Variants in ANKFN1 observed in about 807,000 individuals in gnomAD.
ANKFN1 encodes ankyrin repeat and fibronectin type III domain containing 1.
A neutral mutation model predicts 108.7 loss-of-function variants in ANKFN1; 74 were observed. The observed-to-expected ratio is 0.68, with a 90% confidence interval of 0.56 to 0.83. The LOEUF (loss-of-function observed/expected upper bound fraction) is 0.83, where lower values mean the gene tolerates loss of function less well. Ranked by LOEUF, ANKFN1 falls within the 40% of genes least tolerant of loss-of-function variation. The pLI is 0.00. For missense variants in ANKFN1, 1,505 were observed against 1,382.3 expected (o/e 1.09, Z -1.41); for synonymous variants, 547 against 516.2 (o/e 1.06, Z -0.81).
intron 6 of ANKFN1, among the ~76,000 whole-genome samples, chr17:56,364,114 G>A (rs1002154615): frequency 6.6e-6 from 1 of 152,126 alleles, no homozygotes; most frequent in Non-Finnish European, 1.5e-5. Context: ...ATATATATTT[G>A]AGGTGATGAA....
At chr17:56,338,863 A>G (rs1402350914) in intron 4 of ANKFN1, among the ~76,000 whole-genome samples, 2 of 152,084 alleles carry the variant, frequency 1.3e-5, no homozygotes, top group Non-Finnish European at 2.9e-5. Flanking sequence ...TAAAGCCTGA[A>G]GGGACAAAAG....
chr17:56,226,658 T>C (rs1467428004), intron 2 of ANKFN1, among the ~76,000 whole-genome samples: 3 of 152,142 alleles, frequency 2.0e-5, no homozygotes, highest in Non-Finnish European at 4.4e-5. Flanking sequence ...ATTTATCATA[T>C]GTTCTTAATT....
At chr17:56,185,629 C>T (rs959224497) in intron 1 of ANKFN1, among the ~76,000 whole-genome samples, 1 of 152,170 alleles carries the variant, frequency 6.6e-6, no homozygotes, top group East Asian at 1.9e-4. Flanking sequence ...GCAAAGCAAA[C>T]TGCTCCCTCC....
chr17:56,099,278 G>A (rs1021353828), intron 4 of ANKFN1, among the ~76,000 whole-genome samples: 2 of 152,162 alleles, frequency 1.3e-5, no homozygotes, highest in South Asian at 4.1e-4. Flanking sequence ...AAGTTACTTC[G>A]ATGCTTAATT....
intron 8 of ANKFN1, among the ~76,000 whole-genome samples, chr17:56,428,776 A>G (rs1043121714): frequency 7.9e-5 from 12 of 152,098 alleles, no homozygotes; most frequent in Non-Finnish European, 1.8e-4. Flanking sequence ...GCCCCTTCTT[A>G]AAATGTGCTC....
chr17:56,108,525 C>T (rs761850915), intron 4 of ANKFN1, among the ~76,000 whole-genome samples: 72 of 152,136 alleles, frequency 4.7e-4, no homozygotes, highest in Non-Finnish European at 1.2e-4. Flanking sequence ...CCCTGATAAC[C>T]CCATGAGAAG....
chr17:56,162,416 T>C (rs1223488716), intron 1 of ANKFN1, among the ~76,000 whole-genome samples: 1 of 152,180 alleles, frequency 6.6e-6, no homozygotes, highest in Non-Finnish European at 1.5e-5. Flanking sequence ...TTTTAAGCTC[T>C]TCTTCTGGCT....
chr17:56,488,652 A>G (rs2145405360), intron 18 of ANKFN1, among the ~76,000 whole-genome samples: 1 of 152,356 alleles, frequency 6.6e-6, no homozygotes, highest in East Asian at 1.9e-4. Flanking sequence ...CTCATTCACT[A>G]CTAGGAATCT....
At chr17:56,301,997 G>A (rs181468052) in intron 3 of ANKFN1, among the ~76,000 whole-genome samples, 2 of 152,266 alleles carry the variant, frequency 1.3e-5, no homozygotes, top group East Asian at 1.9e-4. Flanking sequence ...TCCTTGGCAG[G>A]AATTTACTTT....
At chr17:56,297,319 C>A (rs2044541590) in intron 3 of ANKFN1, among the ~76,000 whole-genome samples, 1 of 152,174 alleles carries the variant, frequency 6.6e-6, no homozygotes, top group Admixed American at 6.5e-5. Context: ...GCGGAAACCA[C>A]TGTTTGGGAG....
At chr17:56,058,661 A>T (rs1303979308) in intron 4 of ANKFN1, among the ~76,000 whole-genome samples, 3 of 151,996 alleles carry the variant, frequency 2.0e-5, no homozygotes, top group African/African-American at 4.8e-5. Context: ...TTCAACTCAC[A>T]CTTATAAGTG....
intron 1 of ANKFN1, among the ~76,000 whole-genome samples, chr17:56,194,277 A>G (rs1055936726): frequency 5.3e-5 from 8 of 152,186 alleles, no homozygotes; most frequent in Non-Finnish European, 1.2e-4. Context: ...TATCCTAAGG[A>G]GTTGGAAACT....
intron 3 of ANKFN1, among the ~76,000 whole-genome samples, chr17:56,234,842 A>G (rs1294428203): frequency 6.6e-6 from 1 of 152,010 alleles, no homozygotes; most frequent in Non-Finnish European, 1.5e-5. Flanking sequence ...TGGTAGACTG[A>G]TTTACATTCC....
At chr17:56,174,021 GCCAGGCAGGT>G (rs1567817694) in intron 1 of ANKFN1, among the ~76,000 whole-genome samples, 1 of 152,210 alleles carries the variant, frequency 6.6e-6, no homozygotes, top group East Asian at 1.9e-4. Context: ...GAGTCCTGGG[GCCAGGCAGGT>G]CCATGCCATC....
At chr17:56,433,960 C>T (rs561735170) in intron 8 of ANKFN1, among the ~76,000 whole-genome samples, 3 of 152,228 alleles carry the variant, frequency 2.0e-5, no homozygotes, top group Non-Finnish European at 2.9e-5. Context: ...TGCTTGAACC[C>T]GGGAGGCAGA....
At chr17:56,167,318 C>T (rs865922209) in intron 1 of ANKFN1, among the ~76,000 whole-genome samples, 5,651 of 132,944 alleles carry the variant, frequency 0.043, 136 homozygotes, top group Middle Eastern at 0.065. Context: ...CACACACACA[C>T]ATATATATAT....
In ANKFN1 at chr17:56,511,458, GC is replaced by G; in HGVS notation, c.*191del. Reference sequence around the variant, plus strand: ...GTGGGTGGAGGCCAGAGTTGCCAGTGCCATTCCCACTTCAGCCTAGAAAGGG... The same window carrying G: ...GTGGGTGGAGGCCAGAGTTGCCAGTGCATTCCCACTTCAGCCTAGAAAGGG... On this transcript the variant is annotated 3_prime_UTR_variant, in exon 21 of 21. Coordinates refer to ENST00000682825, the MANE Select transcript of ANKFN1 (RefSeq NM_001370326.1). 1 of 640,792 alleles carries G rather than the reference GC, an allele frequency of 1.6e-6. No homozygotes were observed. Among genetic ancestry groups the G allele is most frequent in the Non-Finnish European group, 2.6e-6 (1 of 384,100 alleles). The allele number at this position is 640,792 out of a possible 1,614,324, so 39.7% of individuals were successfully genotyped here. A position where few individuals can be genotyped will look rare whatever the true frequency, so the allele number is the denominator to read the frequency against.
In ANKFN1 at chr17:56,511,216, CA is replaced by C. The variant is rs1431466217; in HGVS notation, c.3389del (p.Gln1130ArgfsTer103). ...CAGCCCCACTGGCCCCGATGTGAGT[CA>C]GGAGGGCCCCACCGCCTCTCCCATG... ...LPSPTGPDVS[Q>X]EGPTASPMSE... On this transcript the variant is annotated frameshift_variant, in exon 21 of 21. Coordinates refer to ENST00000682825, the MANE Select transcript of ANKFN1 (RefSeq NM_001370326.1). LOFTEE classifies it high-confidence loss of function. 2 of 1,533,826 alleles carry C rather than the reference CA, an allele frequency of 1.3e-6. No individual in the cohort carries two copies. The highest frequency in any genetic ancestry group is 1.7e-6 in the Non-Finnish European group (2 of 1,145,266).
At chr17:56,308,455 T>C (rs76625236) in intron 3 of ANKFN1, among the ~76,000 whole-genome samples, 2,657 of 152,218 alleles carry the variant, frequency 0.017, 87 homozygotes, top group African/African-American at 0.06. Context: ...TTTTGTAGAT[T>C]TGTTGGGATT....
Sources: gnomAD v4.1 joint callset for allele counts (sites outside exome capture counted in the v4.1 genomes callset) on GRCh38, gnomAD v4.1.1 for gene constraint, MANE v1.5 for transcripts, NCBI Gene and HGNC (gene_info 2026-07-23, HGNC 2026-07-21) for gene names.